SH3PXD2A: variants seen among roughly 807,000 people sequenced by gnomAD.
SH3PXD2A encodes SH3 and PX domain-containing protein 2A.
A neutral mutation model predicts 115.2 loss-of-function variants in SH3PXD2A; 32 were observed. That is an observed-to-expected ratio of 0.28 (90% CI 0.21 to 0.37). The LOEUF is 0.37. SH3PXD2A is among the 10% of genes least tolerant of loss of function. SH3PXD2A has a pLI of 1.00. For synonymous variants in SH3PXD2A, 610 were observed against 629.1 expected (o/e 0.97, Z 0.45); for missense variants, 1,328 against 1,498.7 (o/e 0.89, Z 1.88).
chr10:103,786,255 C>G (rs1038382725), intron 2 of SH3PXD2A, among the ~76,000 whole-genome samples: 2 of 152,206 alleles, frequency 1.3e-5, no homozygotes, highest in African/African-American at 4.8e-5. Flanking sequence ...AGAGGAACGG[C>G]TTAGCGCATG....
At chr10:103,845,354 A>G (rs2134322930) in intron 1 of SH3PXD2A, among the ~76,000 whole-genome samples, 1 of 150,506 alleles carries the variant, frequency 6.6e-6, no homozygotes, top group Non-Finnish European at 1.5e-5. Flanking sequence ...AAGAAAAAAG[A>G]AAAAGAAAAA....
chr10:103,825,257 C>A (rs1485985041), intron 1 of SH3PXD2A, among the ~76,000 whole-genome samples: 2 of 152,172 alleles, frequency 1.3e-5, no homozygotes, highest in African/African-American at 4.8e-5. Context: ...AAAACCAAAC[C>A]TCCTGCTGCC....
At chr10:103,672,114 G>A (rs909793375) in intron 6 of SH3PXD2A, among the ~76,000 whole-genome samples, 15 of 152,110 alleles carry the variant, frequency 9.9e-5, no homozygotes, top group Admixed American at 5.9e-4. Flanking sequence ...GCGAAACTCC[G>A]TCTCTACTGA....
At chr10:103,623,274 C>CA (rs2036636877) in intron 9 of SH3PXD2A, among the ~76,000 whole-genome samples, 2 of 150,814 alleles carry the variant, frequency 1.3e-5, no homozygotes, top group South Asian at 4.2e-4. Context: ...CAGGGGCCCC[C>CA]TCCCCAGCTT....
intron 1 of SH3PXD2A, among the ~76,000 whole-genome samples, chr10:103,826,399 T>C (rs1423461396): frequency 1.3e-5 from 2 of 152,182 alleles, no homozygotes; most frequent in East Asian, 3.8e-4. Flanking sequence ...TCCAAAACTG[T>C]TCTTTCCACT....
At position 103,627,037 on chromosome 10, in the gene SH3PXD2A, C is replaced by T; in HGVS notation, c.718+52G>A. 2.1e-6 allele frequency: 2 copies of T among 965,328 alleles called. No homozygotes were observed. Among genetic ancestry groups the T allele is most frequent in the Non-Finnish European group, 3.4e-6 (2 of 592,320 alleles). 59.8% of individuals were successfully genotyped at this position (965,328 alleles called of 1,614,324 possible). Reference sequence around the variant, plus strand: ...TGGTTCTAGGGAAAGAGTGAGAGAGCTGCCTCCAGAGGCCGCGTTGCTCCC... The same window carrying T: ...TGGTTCTAGGGAAAGAGTGAGAGAGTTGCCTCCAGAGGCCGCGTTGCTCCC... On this transcript the variant is annotated intron_variant, in intron 9 of 14. Transcript: ENST00000369774. The surrounding 1 kb of genome is among the most constrained non-coding windows in gnomAD (Gnocchi z 4.4).
At chr10:103,704,701 G>A (rs745370193) in intron 5 of SH3PXD2A, among the ~76,000 whole-genome samples, 59 of 152,250 alleles carry the variant, frequency 3.9e-4, no homozygotes, top group Non-Finnish European at 6.8e-4. Flanking sequence ...TGTGTGCCCA[G>A]GGATGGGTGG....
intron 3 of SH3PXD2A, among the ~76,000 whole-genome samples, chr10:103,744,732 C>G (rs866111914): frequency 2.0e-5 from 3 of 152,164 alleles, no homozygotes; most frequent in African/African-American, 7.2e-5. Context: ...AAGCAGTGGG[C>G]ACATGCAGGT....
chr10:103,847,184 T>C (rs10748853), intron 1 of SH3PXD2A, among the ~76,000 whole-genome samples: 131,968 of 151,882 alleles, frequency 0.87, 58,526 homozygotes, highest in East Asian at 0.99. Context: ...GTCTTGCTGT[T>C]GCCGAGGCTG....
At chr10:103,752,676 G>A (rs1327371539) in intron 3 of SH3PXD2A, among the ~76,000 whole-genome samples, 1 of 152,174 alleles carries the variant, frequency 6.6e-6, no homozygotes, top group Admixed American at 6.5e-5. Flanking sequence ...TGCCTCAAAG[G>A]AAAACTTCTC....
intron 2 of SH3PXD2A, among the ~76,000 whole-genome samples, chr10:103,777,120 G>C (rs1314366976): frequency 6.6e-6 from 1 of 152,264 alleles, no homozygotes; most frequent in South Asian, 2.1e-4. Context: ...AATGGGAACA[G>C]GGACAAAACC....
intron 1 of SH3PXD2A, among the ~76,000 whole-genome samples, chr10:103,810,952 GCA>G (rs71476608): frequency 1.3e-3 from 26 of 19,870 alleles, no homozygotes; most frequent in African/African-American, 1.9e-3. Flanking sequence ...GCGCGCGCGC[GCA>G]CACACACACA....
At chr10:103,703,203 C>T (rs796494506) in intron 5 of SH3PXD2A, among the ~76,000 whole-genome samples, 29 of 152,310 alleles carry the variant, frequency 1.9e-4, no homozygotes, top group African/African-American at 6.3e-4. Flanking sequence ...ACACCTAGCC[C>T]ACCTGCATGG....
chr10:103,736,608 C>T (rs1185694851), intron 3 of SH3PXD2A, among the ~76,000 whole-genome samples: 1 of 152,278 alleles, frequency 6.6e-6, no homozygotes, highest in Non-Finnish European at 1.5e-5. Flanking sequence ...AGGGCCAAAG[C>T]CCCCTTTTCA....
chr10:103,602,283 G>A lies in SH3PXD2A; in HGVS notation c.2935C>T (p.Pro979Ser), dbSNP rs756338086. Reference sequence around the variant, plus strand: ...GGCGGGGACACAAACACCGACTGGGGCCTGACCGCCACCTGCCGCACTCCG... The same window carrying A: ...GGCGGGGACACAAACACCGACTGGGACCTGACCGCCACCTGCCGCACTCCG... ...RNGVRQVAVR[P>S]QSVFVSPPPK... Residue 979 changes from proline (P) to serine (S), a missense_variant, in exon 15 of 15, where the codon CCC (proline) becomes TCC (serine). Physicochemically the swap from Pro to Ser is moderately conservative, Grantham distance 74 (BLOSUM62 -1). Around this residue, in one of 5 missense-constraint regions of SH3PXD2A, gnomAD observed 574 missense variants for 565.7 expected, o/e 1.01. Transcript: ENST00000369774. 1.9e-6 allele frequency: 3 copies of A among 1,613,396 alleles called. No individual in the cohort carries two copies. In the South Asian group the frequency reaches 3.3e-5, roughly 18 times the overall value.
chr10:103,669,782 CTGCCCACCAGGCGCT>C (rs1458110004), intron 6 of SH3PXD2A, among the ~76,000 whole-genome samples: 1 of 152,272 alleles, frequency 6.6e-6, no homozygotes, highest in East Asian at 1.9e-4. Flanking sequence ...AACTCTCGCA[CTGCCCACCAGGCGCT>C]TGCCAGGAGA....
intron 2 of SH3PXD2A, among the ~76,000 whole-genome samples, chr10:103,774,524 C>G (rs1337842604): frequency 1.3e-5 from 2 of 152,094 alleles, no homozygotes; most frequent in Non-Finnish European, 2.9e-5. Context: ...GTGTTAGTTT[C>G]TAGTACTTTT....
chr10:103,630,890 C>T (rs985346498), intron 8 of SH3PXD2A, among the ~76,000 whole-genome samples: 1 of 152,230 alleles, frequency 6.6e-6, no homozygotes, highest in East Asian at 1.9e-4. Context: ...AGTTAACGAA[C>T]TTCCTGCACC....
chr10:103,611,530 G>A (rs1303016943), intron 13 of SH3PXD2A, 51 bp downstream of exon 13: 1 of 1,503,060 alleles, frequency 6.7e-7, no homozygotes, highest in Non-Finnish European at 9.3e-7. Flanking sequence ...GGTGGCTATA[G>A]CGCATTCACA....
Sources: gnomAD v4.1 joint callset for allele counts (sites outside exome capture counted in the v4.1 genomes callset) on GRCh38, gnomAD v4.1.1 for gene constraint, gnomAD v4.1.1 regional missense constraint, Gnocchi (gnomAD v3.1) non-coding constraint, MANE v1.5 for transcripts, NCBI Gene and HGNC (gene_info 2026-07-23, HGNC 2026-07-21) for gene names.